COL28A1: variants seen among roughly 807,000 people sequenced by gnomAD.
COL28A1 encodes the protein collagen type XXVIII alpha 1 chain, also known as collagen alpha-1(XXVIII) chain.
A neutral mutation model predicts 150.2 loss-of-function variants in COL28A1; 161 were observed. The ratio of observed to expected loss-of-function variants is 1.07; its 90% confidence interval spans 0.94 to 1.22. The LOEUF (loss-of-function observed/expected upper bound fraction) is 1.22. Ranked by LOEUF, COL28A1 falls within the 50% of genes most tolerant of loss-of-function variation. The pLI is 0.00. For missense variants in COL28A1, 1,617 were observed against 1,388.3 expected, an observed-to-expected ratio of 1.16 and a Z score of -2.62; for synonymous variants, 552 against 469.7, an observed-to-expected ratio of 1.18 and a Z score of -2.26.
At chr7:7,477,697 G>A (rs1434406431) in intron 13 of COL28A1, among the ~76,000 whole-genome samples, 2 of 152,154 alleles carry the variant, frequency 1.3e-5, no homozygotes, top group Non-Finnish European at 2.9e-5. Context: ...GCTCATATAG[G>A]CAGTGTGGAC....
intron 18 of COL28A1, among the ~76,000 whole-genome samples, chr7:7,448,335 A>G (rs906092537): frequency 2.0e-5 from 3 of 152,212 alleles, no homozygotes; most frequent in African/African-American, 7.2e-5. Context: ...AGAAACAAAT[A>G]TAAGGATAAC....
Position 7,531,788 on chromosome 7 carries a change from A to G in COL28A1, c.241T>C (p.Leu81=), listed in dbSNP as rs1267075891. The stretch of plus-strand genomic sequence containing the variant: ...TATTCCAAGGAGCGACCAGGAGTCA[A>G]TTGGAAAATCTTGTCACTCAAGCTA... ...VDSLSDKIFQ[L]TPGRSLEYDI... Residue 81 remains leucine (L), a synonymous_variant, in exon 3 of 35, where the codon TTG becomes CTG. Coordinates refer to ENST00000399429, the MANE Select transcript of COL28A1 (RefSeq NM_001037763.3). The G allele has an allele frequency of 1.9e-6, 3 of 1,606,126 alleles. No individual in the cohort carries two copies. The highest frequency in any genetic ancestry group is 1.7e-5 in the Admixed American group (1 of 60,014).
At position 7,413,697 on chromosome 7, in the gene COL28A1, C is replaced by T. The variant is rs540651612; in HGVS notation, c.2136+4162G>A. ...TTCTGTGTGGAAGAAAATCACCCAC[C>T]AACCAGGAACACACACATTGTACTG... On this transcript the variant is annotated intron_variant, in intron 27 of 34. Transcript: ENST00000399429. Among the ~76,000 whole-genome samples the T allele has an allele frequency of 2.6e-5, 4 of 152,256 alleles. No homozygotes were observed. In the South Asian group the frequency reaches 8.3e-4, roughly 32 times the overall value.
intron 15 of COL28A1, among the ~76,000 whole-genome samples, chr7:7,458,872 CAT>C (rs1365382656): frequency 6.6e-6 from 1 of 152,172 alleles, no homozygotes; most frequent in Non-Finnish European, 1.5e-5. Context: ...TTGTTAAACA[CAT>C]AAGAGAGGGT....
intron 4 of COL28A1, 35 bp downstream of exon 4, chr7:7,524,194 A>T: frequency 9.7e-7 from 1 of 1,026,428 alleles, no homozygotes; most frequent in Non-Finnish European, 1.6e-6. Context: ...AAGTGTTTGG[A>T]GTAATTCGTA....
intron 27 of COL28A1, among the ~76,000 whole-genome samples, chr7:7,415,405 G>A (rs966173663): frequency 9.9e-5 from 15 of 152,146 alleles, no homozygotes; most frequent in African/African-American, 3.1e-4. Flanking sequence ...ATGGTATTTC[G>A]TCGGTGCAAA....
At chr7:7,360,250 A>G in intron 34 of COL28A1, 140 bp downstream of exon 34, 1 of 772,682 alleles carries the variant, frequency 1.3e-6, no homozygotes, top group South Asian at 3.5e-5. Flanking sequence ...GAATCATAAC[A>G]TTTTCTCTCT....
At chr7:7,542,282 G>A in the COL28A1 span, among the ~76,000 whole-genome samples, 1 of 152,188 alleles carries the variant, frequency 6.6e-6, no homozygotes, top group Non-Finnish European at 1.5e-5. Context: ...AGTGCGCTGA[G>A]ATGGCACCAC....
At chr7:7,417,732 T>C (rs753529646) in intron 27 of COL28A1, 127 bp downstream of exon 27, 15 of 755,466 alleles carry the variant, frequency 2.0e-5, no homozygotes, top group African/African-American at 3.5e-5. Flanking sequence ...AAACACTGGA[T>C]GCCATTTAAC....
intron 33 of COL28A1, among the ~76,000 whole-genome samples, chr7:7,369,526 G>A (rs560413258): frequency 6.6e-6 from 1 of 152,310 alleles, no homozygotes; most frequent in East Asian, 1.9e-4. Context: ...GAGTATAAAT[G>A]TTTGTGTTAA....
intron 3 of COL28A1, among the ~76,000 whole-genome samples, chr7:7,527,531 C>T (rs764256878): frequency 4.9e-4 from 75 of 152,206 alleles, no homozygotes; most frequent in Admixed American, 9.8e-4. Flanking sequence ...TGGACAGAGC[C>T]GGAGGCCTTG....
chr7:7,378,507 G>A (rs77627355), intron 30 of COL28A1, among the ~76,000 whole-genome samples: 3,861 of 152,252 alleles, frequency 0.025, 169 homozygotes, highest in African/African-American at 0.088. Flanking sequence ...AAAACATTTA[G>A]TGCCATCAAT....
chr7:7,441,858 G>A (rs1259026932), intron 20 of COL28A1, among the ~76,000 whole-genome samples: 2 of 152,098 alleles, frequency 1.3e-5, no homozygotes, highest in African/African-American at 2.4e-5. Context: ...AGGTTTCCAT[G>A]GTCCACACTA....
In COL28A1 at chr7:7,373,149, C is replaced by T. The variant is rs199721822; in HGVS notation, c.2757G>A (p.Val919=). The T allele has an allele frequency of 1.9e-4, 314 of 1,614,110 alleles. No individual in the cohort carries two copies. The highest frequency in any genetic ancestry group is 2.5e-4 in the Non-Finnish European group (297 of 1,180,050). The change falls in exon 32 of 35, where the codon GTG becomes GTA. Residue 919 remains valine, a synonymous_variant. Coordinates refer to ENST00000399429, the MANE Select transcript of COL28A1 (RefSeq NM_001037763.3). This position sits in a 1 kb window ranked among gnomAD's most constrained non-coding sequence, Gnocchi z 4.1. ...CCACATTGGTGTCACTGGCATTCTTCACCACCTCTGTCAGTTTCTCTTTAT... is the reference window on the plus strand; with the variant it reads ...CCACATTGGTGTCACTGGCATTCTTTACCACCTCTGTCAGTTTCTCTTTAT... The part of the protein sequence containing the change: ...SRDKEKLTEV[V]KNASDTNVEI...
intron 15 of COL28A1, among the ~76,000 whole-genome samples, chr7:7,464,331 A>G (rs1787881022): frequency 6.6e-6 from 1 of 152,226 alleles, no homozygotes; most frequent in Non-Finnish European, 1.5e-5. Flanking sequence ...TACTTACAGA[A>G]CATTCTACCC....
the COL28A1 span, among the ~76,000 whole-genome samples, chr7:7,347,926 G>A: frequency 6.6e-6 from 1 of 152,028 alleles, no homozygotes; most frequent in Non-Finnish European, 1.5e-5. Context: ...TAGGCAATGG[G>A]GGAGGGGGGT....
intron 23 of COL28A1, among the ~76,000 whole-genome samples, chr7:7,434,999 T>A (rs940224142): frequency 1.3e-5 from 2 of 152,158 alleles, no homozygotes; most frequent in Admixed American, 6.5e-5. Flanking sequence ...AAGGTGTGTA[T>A]GACCCTCCCA....
intron 6 of COL28A1, 34 bp downstream of exon 6, chr7:7,520,028 C>A: frequency 9.8e-7 from 1 of 1,024,870 alleles, no homozygotes; most frequent in Middle Eastern, 2.0e-4. Context: ...GAAGGAGATA[C>A]GCTGGTTTAA....
At chr7:7,338,421 G>T in the COL28A1 span, among the ~76,000 whole-genome samples, 5 of 151,998 alleles carry the variant, frequency 3.3e-5, no homozygotes, top group African/African-American at 1.2e-4. Context: ...TCCTTTGTTA[G>T]ATGTATTCCT....
Sources: gnomAD v4.1 joint callset for allele counts (sites outside exome capture counted in the v4.1 genomes callset) on GRCh38, gnomAD v4.1.1 for gene constraint, Gnocchi (gnomAD v3.1) non-coding constraint, MANE v1.5 for transcripts, NCBI Gene and HGNC (gene_info 2026-07-23, HGNC 2026-07-21) for gene names.